The following PALLD variants were observed in gnomAD, a reference collection of about 807,000 sequenced individuals.
PALLD encodes the protein palladin, cytoskeletal associated protein, also known as palladin.
PALLD carries 61 observed loss-of-function variants against 123.5 expected under a neutral mutation model. The observed-to-expected ratio is 0.49, with a 90% CI of 0.40 to 0.61. The LOEUF (loss-of-function observed/expected upper bound fraction) is 0.61, where lower values mean the gene tolerates loss of function less well. PALLD is among the 20% of genes least tolerant of loss of function. PALLD has a pLI of 0.00. For synonymous variants in PALLD, 465 were observed against 496.4 expected, an observed-to-expected ratio of 0.94 and a Z score of 0.84; for missense variants, 1,273 against 1,377.0, an observed-to-expected ratio of 0.92 and a Z score of 1.20.
intron 10 of PALLD, among the ~76,000 whole-genome samples, chr4:168,743,364 A>G (rs1431168274): frequency 6.6e-6 from 1 of 152,210 alleles, no homozygotes; most frequent in Non-Finnish European, 1.5e-5. Flanking sequence ...ATCCCCAGCA[A>G]CTAGCACAGT....
intron 10 of PALLD, among the ~76,000 whole-genome samples, chr4:168,806,533 C>G (rs146929451): frequency 4.9e-4 from 74 of 152,330 alleles, no homozygotes; most frequent in African/African-American, 1.6e-3. Flanking sequence ...CTGTGGAACT[C>G]TGAGTCAATT....
rs529857140 is a variant in PALLD at position 168,760,098 on chromosome 4, T to C, written c.1964+48175T>C. Reference sequence around the variant, plus strand: ...TGTCACAACTGCAAGGCATGAGGCCTCTCTCCCTCCCTGGCGTTTCCACAT... The same window carrying C: ...TGTCACAACTGCAAGGCATGAGGCCCCTCTCCCTCCCTGGCGTTTCCACAT... On this transcript the variant is annotated intron_variant, in intron 10 of 21. Transcript: ENST00000505667. Among the ~76,000 whole-genome samples, 19 of 151,996 alleles carry C rather than the reference T, an allele frequency of 1.3e-4. No individual in the cohort carries two copies. The South Asian group carries it at 4.0e-3, about 32-fold the overall frequency.
chr4:168,638,282 G>C (rs1288584423), intron 2 of PALLD, among the ~76,000 whole-genome samples: 1 of 152,150 alleles, frequency 6.6e-6, no homozygotes, highest in Non-Finnish European at 1.5e-5. Flanking sequence ...TGGCTACTAA[G>C]TAACAGAGAC....
intron 10 of PALLD, among the ~76,000 whole-genome samples, chr4:168,721,765 G>A (rs1786044370): frequency 6.6e-6 from 1 of 152,126 alleles, no homozygotes; most frequent in Non-Finnish European, 1.5e-5. Context: ...GCTTAATTTT[G>A]AGCACATTCA....
At chr4:168,810,643 CAAAA>C (rs60307198) in intron 10 of PALLD, among the ~76,000 whole-genome samples, 3 of 139,496 alleles carry the variant, frequency 2.2e-5, no homozygotes, top group Non-Finnish European at 1.5e-5. Context: ...AACTCTGTCT[CAAAA>C]AAAAAAAAAA....
At chr4:168,564,792 T>C (rs1768203044) in intron 2 of PALLD, among the ~76,000 whole-genome samples, 1 of 152,188 alleles carries the variant, frequency 6.6e-6, no homozygotes, top group Non-Finnish European at 1.5e-5. Context: ...AGAAAATCAC[T>C]ATAGATTAAG....
intron 2 of PALLD, among the ~76,000 whole-genome samples, chr4:168,562,655 C>T (rs1429851998): frequency 6.6e-6 from 1 of 151,948 alleles, no homozygotes; most frequent in Non-Finnish European, 1.5e-5. Context: ...AAAAGAAAAC[C>T]AGTAGAGAAA....
At chr4:168,574,370 A>G (rs1337623370) in intron 2 of PALLD, among the ~76,000 whole-genome samples, 1 of 152,098 alleles carries the variant, frequency 6.6e-6, no homozygotes, top group Non-Finnish European at 1.5e-5. Context: ...TTTTGCCACT[A>G]TTTAGCCTCT....
chr4:168,778,694 G>T (rs1010737462), intron 10 of PALLD, among the ~76,000 whole-genome samples: 1 of 152,182 alleles, frequency 6.6e-6, no homozygotes, highest in African/African-American at 2.4e-5. Flanking sequence ...ACTTGCGTAA[G>T]GAAACTGTCA....
At chr4:168,662,643 G>A (rs939410019) in intron 2 of PALLD, among the ~76,000 whole-genome samples, 10 of 152,178 alleles carry the variant, frequency 6.6e-5, no homozygotes, top group African/African-American at 1.9e-4. Context: ...TTCCCTAAAT[G>A]ATACCAGCAA....
At chr4:168,888,688 G>A (rs550774660) in intron 10 of PALLD, among the ~76,000 whole-genome samples, 53 of 152,272 alleles carry the variant, frequency 3.5e-4, no homozygotes, top group Admixed American at 7.8e-4. Flanking sequence ...TATATCGCAT[G>A]CCTTTGGCCA....
At chr4:168,512,910 G>A (rs934584789) in intron 2 of PALLD, among the ~76,000 whole-genome samples, 1 of 152,024 alleles carries the variant, frequency 6.6e-6, no homozygotes, top group Non-Finnish European at 1.5e-5. Flanking sequence ...CTACTTGAGG[G>A]GGGAGAGTAG....
At chr4:168,712,958 C>T (rs966385335) in intron 10 of PALLD, among the ~76,000 whole-genome samples, 16 of 152,200 alleles carry the variant, frequency 1.1e-4, no homozygotes, top group African/African-American at 3.6e-4. Flanking sequence ...TACCTTTGTA[C>T]ATCACTTTAT....
intron 10 of PALLD, among the ~76,000 whole-genome samples, chr4:168,780,718 C>T (rs1389754462): frequency 6.6e-6 from 1 of 152,150 alleles, no homozygotes; most frequent in Non-Finnish European, 1.5e-5. Context: ...GACAGAGTCT[C>T]ACTCTGTCAC....
intron 2 of PALLD, among the ~76,000 whole-genome samples, chr4:168,650,741 C>G (rs1777957696): frequency 6.6e-6 from 1 of 151,596 alleles, no homozygotes; most frequent in Non-Finnish European, 1.5e-5. Flanking sequence ...CTTCATTTTC[C>G]TTTTAGATGT....
intron 2 of PALLD, among the ~76,000 whole-genome samples, chr4:168,663,594 C>T (rs999424570): frequency 2.0e-5 from 3 of 152,180 alleles, no homozygotes; most frequent in Admixed American, 6.5e-5. Flanking sequence ...GTCTTTAACA[C>T]CTCTAGGAAC....
intron 6 of PALLD, among the ~76,000 whole-genome samples, chr4:168,687,338 C>T (rs1372304590): frequency 1.3e-5 from 2 of 152,184 alleles, no homozygotes; most frequent in African/African-American, 4.8e-5. Context: ...AAAACCCTGC[C>T]TAAAACCATG....
chr4:168,600,961 A>T (rs1772582040), intron 2 of PALLD, among the ~76,000 whole-genome samples: 1 of 152,174 alleles, frequency 6.6e-6, no homozygotes, highest in Non-Finnish European at 1.5e-5. Context: ...GAGAGAGGGG[A>T]ACGTCCAGGC....
intron 2 of PALLD, among the ~76,000 whole-genome samples, chr4:168,659,561 C>T (rs1163139303): frequency 6.6e-6 from 1 of 152,140 alleles, no homozygotes; most frequent in Non-Finnish European, 1.5e-5. Flanking sequence ...AACCTTGTTT[C>T]CCCTTGAGCA....
Sources: gnomAD v4.1 joint callset for allele counts (sites outside exome capture counted in the v4.1 genomes callset) on GRCh38, gnomAD v4.1.1 for gene constraint, MANE v1.5 for transcripts, NCBI Gene and HGNC (gene_info 2026-07-23, HGNC 2026-07-21) for gene names.